The following ZCCHC14 variants were observed in gnomAD, a reference collection of about 807,000 sequenced individuals.
ZCCHC14 encodes zinc finger CCHC domain-containing protein 14.
ZCCHC14 carries 16 observed loss-of-function variants against 85.0 expected under a neutral mutation model. The ratio of observed to expected loss-of-function variants is 0.19; its 90% CI spans 0.13 to 0.29. ZCCHC14 has a LOEUF of 0.29. ZCCHC14 is among the 10% of genes least tolerant of loss of function. The pLI is 1.00. For missense variants in ZCCHC14, 1,303 were observed against 1,443.5 expected (o/e 0.90, Z 1.58); for synonymous variants, 775 against 630.7 (o/e 1.23, Z -3.43).
intron 1 of ZCCHC14, among the ~76,000 whole-genome samples, chr16:87,476,948 A>C (rs1316055717): frequency 1.3e-5 from 2 of 151,390 alleles, no homozygotes; most frequent in Non-Finnish European, 2.9e-5. Context: ...AACATGGTGA[A>C]ACCTTGTCTC....
intron 7 of ZCCHC14, chr16:87,417,963 C>G: frequency 3.5e-6 from 2 of 569,264 alleles, no homozygotes; most frequent in Non-Finnish European, 6.1e-6. Context: ...TGTCTGTGCA[C>G]ACGTGTGCAT....
intron 1 of ZCCHC14, among the ~76,000 whole-genome samples, chr16:87,485,579 G>A (rs1417814536): frequency 1.4e-5 from 2 of 139,616 alleles, no homozygotes; most frequent in East Asian, 2.1e-4. Flanking sequence ...CTGTTCCAAC[G>A]GGCAGTTTTC....
intron 3 of ZCCHC14, among the ~76,000 whole-genome samples, chr16:87,428,483 G>A (rs1909485852): frequency 6.6e-6 from 1 of 152,146 alleles, no homozygotes; most frequent in South Asian, 2.1e-4. Flanking sequence ...TTACTTAAAG[G>A]ACAATTTGAT....
intron 1 of ZCCHC14, among the ~76,000 whole-genome samples, chr16:87,477,694 T>C (rs546858322): frequency 1.3e-5 from 2 of 152,210 alleles, no homozygotes; most frequent in African/African-American, 2.4e-5. Flanking sequence ...GGAGCTGTTA[T>C]GAGGATTAAA....
intron 1 of ZCCHC14, among the ~76,000 whole-genome samples, chr16:87,461,836 T>C (rs1271874373): frequency 6.6e-6 from 1 of 152,196 alleles, no homozygotes; most frequent in Non-Finnish European, 1.5e-5. Flanking sequence ...GCTCTGTCAA[T>C]GCCCCTGCCC....
chr16:87,414,428 C>A lies in ZCCHC14; in HGVS notation c.1589G>T (p.Gly530Val), dbSNP rs766696923. 21 of 1,613,304 alleles carry A rather than the reference C, an allele frequency of 1.3e-5. No individual in the cohort carries two copies. Residue 530 changes from glycine to valine, a missense_variant, in exon 10 of 13, where the codon GGC becomes GTC. Around this residue, in one of 7 missense-constraint regions of ZCCHC14, gnomAD observed 58 missense variants for 88.2 expected, o/e 0.66. Transcript: ENST00000671377. ...SHVGPVQSGR[G>V]SHAAELRVEV... ...CCCTTGTTCACCTGCTGCATGGCTG[C>A]CCCGCCCCGACTGCACGGGCCCGAC...
At chr16:87,453,035 G>A (rs1910780859) in intron 2 of ZCCHC14, among the ~76,000 whole-genome samples, 1 of 152,218 alleles carries the variant, frequency 6.6e-6, no homozygotes, top group Non-Finnish European at 1.5e-5. Flanking sequence ...CAGAGGAGTG[G>A]ACACAGCCTG....
At chr16:87,482,813 T>C (rs573388702) in intron 1 of ZCCHC14, among the ~76,000 whole-genome samples, 2 of 152,282 alleles carry the variant, frequency 1.3e-5, no homozygotes, top group East Asian at 1.9e-4. Flanking sequence ...TTGTACCTTA[T>C]ACCAAATCAA....
chr16:87,488,340 A>G lies in ZCCHC14; in HGVS notation c.570+3329T>C, dbSNP rs1352260341. ...CCCTGGAACAGGCGACTGCAGGAGC[A>G]GCAAGCAGCAGCATTACCGGCCACT... On this transcript the variant is annotated intron_variant, in intron 1 of 12. Coordinates refer to ENST00000671377, the MANE Select transcript of ZCCHC14 (RefSeq NM_015144.3). 3.9e-5 allele frequency among the ~76,000 whole-genome samples: 6 copies of G among 152,334 alleles called. No homozygotes were observed. The East Asian group carries it at 7.7e-4, about 20-fold the overall frequency.
intron 1 of ZCCHC14, among the ~76,000 whole-genome samples, chr16:87,488,187 TATTA>T (rs1410060675): frequency 6.6e-6 from 1 of 152,222 alleles, no homozygotes; most frequent in Non-Finnish European, 1.5e-5. Flanking sequence ...TACCACAGCA[TATTA>T]ATTATCACTG....
At chr16:87,437,879 G>A (rs1406156959) in intron 2 of ZCCHC14, among the ~76,000 whole-genome samples, 1 of 152,218 alleles carries the variant, frequency 6.6e-6, no homozygotes. Context: ...AATAAGAATG[G>A]TGATGTCCAA....
At chr16:87,419,706 G>A in intron 6 of ZCCHC14, 77 bp downstream of exon 6, 1 of 1,287,986 alleles carries the variant, frequency 7.8e-7, no homozygotes, top group Non-Finnish European at 1.0e-6. Flanking sequence ...AAAGTGCTGG[G>A]ATTACAAGCA....
At chr16:87,468,632 T>C (rs914585174) in intron 1 of ZCCHC14, among the ~76,000 whole-genome samples, 13 of 152,226 alleles carry the variant, frequency 8.5e-5, no homozygotes, top group African/African-American at 3.1e-4. Context: ...TTTTCCTAAC[T>C]TAACTTATAA....
chr16:87,463,260 C>T (rs1202001097), intron 1 of ZCCHC14, among the ~76,000 whole-genome samples: 5 of 151,926 alleles, frequency 3.3e-5, no homozygotes, highest in Admixed American at 2.0e-4. Context: ...CCTGTGCCTG[C>T]AGTCCCAACT....
intron 1 of ZCCHC14, among the ~76,000 whole-genome samples, chr16:87,467,867 A>C (rs1191004571): frequency 5.3e-5 from 8 of 152,080 alleles, no homozygotes; most frequent in African/African-American, 1.9e-4. Context: ...TAGCCAGGAT[A>C]GTTTCAATAT....
intron 2 of ZCCHC14, among the ~76,000 whole-genome samples, chr16:87,455,404 A>T (rs1299800839): frequency 1.3e-5 from 2 of 152,154 alleles, no homozygotes; most frequent in Admixed American, 1.3e-4. Flanking sequence ...TCTGTGTCAC[A>T]TGGAGTGGCT....
chr16:87,462,056 C>T (rs1911286508), intron 1 of ZCCHC14, among the ~76,000 whole-genome samples: 2 of 149,622 alleles, frequency 1.3e-5, no homozygotes, highest in African/African-American at 2.5e-5. Flanking sequence ...CTGCTTGAAA[C>T]TATGAGTTTG....
chr16:87,422,064 G>A lies in ZCCHC14; in HGVS notation c.841-1348C>T, dbSNP rs766016655. On this transcript the variant is annotated intron_variant, in intron 4 of 12. Coordinates refer to ENST00000671377, the MANE Select transcript of ZCCHC14 (RefSeq NM_015144.3). ...AACAGCTATGATGGATGTACTAAAG[G>A]ACCTAGTGAAAACGACAATATGCAC... Among the ~76,000 whole-genome samples, 74 of 152,328 alleles carry A rather than the reference G, an allele frequency of 4.9e-4. 1 individual carries two copies. Among genetic ancestry groups the A allele is most frequent in the Middle Eastern group, 3.4e-3 (1 of 294 alleles).
At position 87,412,251 on chromosome 16, in the gene ZCCHC14, C is replaced by T; in HGVS notation, c.2470G>A (p.Ala824Thr). 3 of 1,612,428 alleles carry T rather than the reference C, an allele frequency of 1.9e-6. No individual in the cohort carries two copies. The highest frequency in any genetic ancestry group is 1.7e-6 in the Non-Finnish European group (2 of 1,178,766). Residue 824 changes from alanine to threonine, a missense_variant, in exon 12 of 13, where the codon GCA (alanine) becomes ACA (threonine). Ala to Thr is a moderately conservative substitution (Grantham distance 58). Transcript: ENST00000671377. ...YTANTKVAFSAMSSMPVGPLQ... is the reference protein window; with the variant it reads ...YTANTKVAFSTMSSMPVGPLQ... ...GGGCCCACTGGCATACTGCTCATTGCAGAAAAGGCAACTTTGGTGTTGGCT... is the reference window on the plus strand; with the variant it reads ...GGGCCCACTGGCATACTGCTCATTGTAGAAAAGGCAACTTTGGTGTTGGCT...
Sources: allele counts gnomAD v4.1 joint callset (sites outside exome capture counted in the v4.1 genomes callset), GRCh38; gene constraint gnomAD v4.1.1; regional missense constraint gnomAD v4.1.1; transcripts MANE v1.5; gene names NCBI Gene and HGNC (gene_info 2026-07-23, HGNC 2026-07-21).